SMYD4: variants seen among roughly 807,000 people sequenced by gnomAD.
SMYD4 encodes the protein protein-lysine N-methyltransferase SMYD4.
A neutral mutation model predicts 72.8 loss-of-function variants in SMYD4; 68 were observed. That is an observed-to-expected ratio of 0.93 (90% confidence interval 0.77 to 1.14). The LOEUF (loss-of-function observed/expected upper bound fraction) is 1.14, where lower values mean the gene tolerates loss of function less well. Among genes scored for constraint, SMYD4 ranks in the 50% most tolerant of loss-of-function variants. The pLI is 0.00. For missense variants in SMYD4, 984 were observed against 1,003.7 expected (o/e 0.98, Z 0.27); for synonymous variants, 407 against 388.6 (o/e 1.05, Z -0.56).
chr17:1,821,528 C>CA (rs1346221841), intron 2 of SMYD4, among the ~76,000 whole-genome samples: 2 of 151,530 alleles, frequency 1.3e-5, no homozygotes, highest in Non-Finnish European at 2.9e-5. Flanking sequence ...AAAACAAAAA[C>CA]AAAAAACAAA....
At chr17:1,806,074 G>A (rs1408754092) in intron 3 of SMYD4, among the ~76,000 whole-genome samples, 1 of 151,578 alleles carries the variant, frequency 6.6e-6, no homozygotes, top group South Asian at 2.1e-4. Flanking sequence ...ACAGGCGCCC[G>A]CCACCACGCC....
Position 1,786,821 on chromosome 17 carries a change from C to T in SMYD4, c.1873G>A (p.Ala625Thr). 6.2e-7 allele frequency: 1 copy of T among 1,614,194 alleles called. No individual in the cohort carries two copies. Among genetic ancestry groups the T allele is most frequent in the Non-Finnish European group, 8.5e-7 (1 of 1,180,044 alleles). ...GAAGAGAGAATTACCTGCATGGGCG[C>T]TCCGCAACTGTTGCAACAGAATGCT... The part of the protein sequence containing the change: ...WEAFCCNSCG[A>T]PMQGDDVLRC... Residue 625 changes from alanine (A) to threonine (T), a missense_variant, in exon 7 of 11, where the codon GCG becomes ACG. Transcript: ENST00000305513.
In SMYD4 at chr17:1,801,720, T is replaced by G. The variant is rs372697798; in HGVS notation, c.370-696A>C. 6.7e-5 allele frequency among the ~76,000 whole-genome samples: 10 copies of G among 149,262 alleles called. No homozygotes were observed. In the South Asian group the frequency reaches 1.5e-3, roughly 23 times the overall value. ...GGCCGGGTGCGGTGGCTCATGCCTG[T>G]AACCCCAGCACTTTAGGAGGCCGAG... On this transcript the variant is annotated intron_variant, in intron 4 of 10. Coordinates refer to ENST00000305513, the MANE Select transcript of SMYD4 (RefSeq NM_052928.3).
At chr17:1,818,040 CTG>C (rs1910714097) in intron 2 of SMYD4, among the ~76,000 whole-genome samples, 1 of 100,870 alleles carries the variant, frequency 9.9e-6, no homozygotes, top group African/African-American at 4.1e-5. Flanking sequence ...GAGCAAGACT[CTG>C]TCTCAAAAAA....
rs754748793 is a variant in SMYD4 at position 1,800,153 on chromosome 17, A to C, written c.1241T>G (p.Ile414Ser). 17 of 1,610,656 alleles carry C rather than the reference A, an allele frequency of 1.1e-5. No homozygotes were observed. The East Asian group carries it at 3.6e-4, about 34-fold the overall frequency. ...IVETPIPGCD[I>S]NGKYENNYNA... ...ATAATTATTTTCATACTTCCCATTA[A>C]TATCGCATCCAGGAATTGGGGTCTC... Residue 414 changes from isoleucine (I) to serine (S), a missense_variant, in exon 5 of 11, where the codon ATT becomes AGT. Physicochemically the swap from Ile to Ser is moderately radical, Grantham distance 142. Coordinates refer to ENST00000305513, the MANE Select transcript of SMYD4 (RefSeq NM_052928.3).
At position 1,800,242 on chromosome 17, in the gene SMYD4, G is replaced by C; in HGVS notation, c.1152C>G (p.Ser384Arg). 6.2e-7 allele frequency: 1 copy of C among 1,614,118 alleles called. No homozygotes were observed. Among genetic ancestry groups the C allele is most frequent in the Non-Finnish European group, 8.5e-7 (1 of 1,180,030 alleles). The change falls in exon 5 of 11, where the codon AGC becomes AGG. Residue 384 changes from serine to arginine, a missense_variant. Coordinates refer to ENST00000305513, the MANE Select transcript of SMYD4 (RefSeq NM_052928.3). ...ISNKDICLPE[S>R]NNQVKTLNYG... is the part of the protein sequence containing the mutation. ...AATTAAGTGTCTTGACCTGATTGTTGCTTTCAGGTAAACAGATGTCCTTGT... is the reference window on the plus strand; with the variant it reads ...AATTAAGTGTCTTGACCTGATTGTTCCTTTCAGGTAAACAGATGTCCTTGT...
At chr17:1,799,614 T>TCTG (rs1463355072) in intron 5 of SMYD4, among the ~76,000 whole-genome samples, 30 of 152,042 alleles carry the variant, frequency 2.0e-4, no homozygotes, top group Non-Finnish European at 2.9e-5. Flanking sequence ...GACCTTGTGA[T>TCTG]CTGCTCACCT....
At chr17:1,787,867 A>G (rs1908789160) in intron 5 of SMYD4, among the ~76,000 whole-genome samples, 1 of 152,218 alleles carries the variant, frequency 6.6e-6, no homozygotes, top group Admixed American at 6.5e-5. Context: ...ATAGCCAAAG[A>G]TAAGAACTTA....
chr17:1,799,881 C>A lies in SMYD4; in HGVS notation c.1513G>T (p.Ala505Ser), dbSNP rs757078660. ...HMLQLQCNAQ[A>S]MTTIQHTGPK... Reference sequence around the variant, plus strand: ...CCTGTGTGTTGTATGGTGGTCATCGCCTGAGCGTTACACTGAAGCTGTAAC... The same window carrying A: ...CCTGTGTGTTGTATGGTGGTCATCGACTGAGCGTTACACTGAAGCTGTAAC... The change falls in exon 5 of 11, where the codon GCG becomes TCG. Residue 505 changes from alanine (A) to serine (S), a missense_variant. Transcript: ENST00000305513. The A allele has an allele frequency of 1.4e-5, 23 of 1,607,662 alleles. 1 individual carries two copies. In the South Asian group the frequency reaches 2.4e-4, roughly 17 times the overall value.
intron 5 of SMYD4, among the ~76,000 whole-genome samples, chr17:1,793,668 A>C (rs1909181023): frequency 6.6e-6 from 1 of 152,006 alleles, no homozygotes; most frequent in Non-Finnish European, 1.5e-5. Context: ...CAGCAATGTC[A>C]AGCTGCAAAG....
At position 1,809,696 on chromosome 17, in the gene SMYD4, G is replaced by GAC. The variant is rs71150817; in HGVS notation, c.279+2274_279+2275insGT. 4.9e-5 allele frequency among the ~76,000 whole-genome samples: 7 copies of GAC among 144,056 alleles called. No homozygotes were observed. The East Asian group carries it at 1.4e-3, about 29-fold the overall frequency. The allele number at this position is 144,056 out of a possible 152,430, so 94.5% of individuals were successfully genotyped here. ...GGCCTATTATTATTGTTTTGAGACAGTCTCGCTCTGTCGCCCAGGCTGGAG... is the reference window on the plus strand; with the variant it reads ...GGCCTATTATTATTGTTTTGAGACAGACTCTCGCTCTGTCGCCCAGGCTGGAG... On this transcript the variant is annotated intron_variant, in intron 3 of 10. Transcript: ENST00000305513.
In SMYD4 at chr17:1,810,992, A is replaced by G. The variant is rs1910303311; in HGVS notation, c.279+979T>C. ...CACTCATTCTTAAAGCCCACGTGTG[A>G]TCCGATTCTTCCAGCACACCAAGGC... On this transcript the variant is annotated intron_variant, in intron 3 of 10. Coordinates refer to ENST00000305513, the MANE Select transcript of SMYD4 (RefSeq NM_052928.3). 2.6e-5 allele frequency among the ~76,000 whole-genome samples: 4 copies of G among 152,306 alleles called. No homozygotes were observed. In the South Asian group the frequency reaches 8.3e-4, roughly 32 times the overall value.
intron 2 of SMYD4, among the ~76,000 whole-genome samples, chr17:1,822,711 C>T (rs8080952): frequency 0.7 from 106,131 of 151,848 alleles, 38,096 homozygotes; most frequent in Non-Finnish European, 0.79. Context: ...GTGATCCACC[C>T]GCCTTGGGCT....
intron 3 of SMYD4, among the ~76,000 whole-genome samples, chr17:1,807,799 T>C (rs1471874507): frequency 1.3e-5 from 2 of 152,322 alleles, no homozygotes; most frequent in African/African-American, 2.4e-5. Flanking sequence ...TGGAAGGCTG[T>C]ATTTACACAC....
chr17:1,781,568 T>C, intron 10 of SMYD4, 129 bp from the exon 11 acceptor site: 1 of 1,078,112 alleles, frequency 9.3e-7, no homozygotes, highest in South Asian at 1.7e-5. Flanking sequence ...TCTAGAACAG[T>C]AAGTAAGACA....
chr17:1,798,368 A>G (rs1178999127), intron 5 of SMYD4, among the ~76,000 whole-genome samples: 2 of 152,042 alleles, frequency 1.3e-5, no homozygotes, highest in Admixed American at 6.6e-5. Context: ...CCGGCCTCCC[A>G]AAGTGCTGGG....
At chr17:1,793,142 C>T (rs1260209303) in intron 5 of SMYD4, among the ~76,000 whole-genome samples, 4 of 151,970 alleles carry the variant, frequency 2.6e-5, no homozygotes, top group African/African-American at 7.2e-5. Context: ...GTCTCTAACT[C>T]GTGGGCTCAA....
chr17:1,794,341 G>A (rs375384273), intron 5 of SMYD4, among the ~76,000 whole-genome samples: 7 of 146,358 alleles, frequency 4.8e-5, no homozygotes, highest in African/African-American at 5.1e-5. Flanking sequence ...GGATGGACAC[G>A]ATCTCCTGAC....
intron 5 of SMYD4, 82 bp from the exon 6 acceptor site, chr17:1,787,686 G>A: frequency 7.2e-7 from 1 of 1,396,538 alleles, no homozygotes; most frequent in East Asian, 2.5e-5. Context: ...AAGATGAGCT[G>A]GGCAGCTAGG....
Sources: gnomAD v4.1 joint callset for allele counts (sites outside exome capture counted in the v4.1 genomes callset) on GRCh38, gnomAD v4.1.1 for gene constraint, MANE v1.5 for transcripts, NCBI Gene and HGNC (gene_info 2026-07-23, HGNC 2026-07-21) for gene names.